The following GNAI1 variants were observed in gnomAD, a reference collection of about 807,000 sequenced individuals.
The protein encoded by GNAI1 is guanine nucleotide-binding protein G(i) subunit alpha-1.
GNAI1 carries 11 observed loss-of-function variants against 38.9 expected under a neutral mutation model. The ratio of observed to expected loss-of-function variants is 0.28; its 90% confidence interval spans 0.18 to 0.47. GNAI1 has a LOEUF of 0.47. GNAI1 is among the 20% of genes least tolerant of loss of function. The pLI is 0.99. For missense variants in GNAI1, 317 were observed against 436.9 expected (o/e 0.73, Z 2.45); for synonymous variants, 166 against 145.1 (o/e 1.14, Z -1.04).
chr7:80,189,785 A>G (rs1490520687), intron 3 of GNAI1, among the ~76,000 whole-genome samples: 1 of 152,184 alleles, frequency 6.6e-6, no homozygotes, highest in Non-Finnish European at 1.5e-5. Context: ...TATTTTGCCA[A>G]GAAAGAAACT....
rs972658830 is a variant in GNAI1 at position 80,225,586 on chromosome 7, G to C, written c.*8093G>C. Among the ~76,000 whole-genome samples the C allele has an allele frequency of 5.9e-5, 9 of 152,158 alleles. No homozygotes were observed. Among genetic ancestry groups the C allele is most frequent in the African/African-American group, 1.7e-4 (7 of 41,440 alleles). ...AGCTTCTGAACTTATTTTGGAAAGA[G>C]TAGCTCCCTGGAGTGTGGAGGAGGA... On this transcript the variant is annotated 3_prime_UTR_variant, in exon 8 of 8. Coordinates refer to ENST00000649796, the MANE Select transcript of GNAI1 (RefSeq NM_002069.6).
At position 80,135,799 on chromosome 7, in the gene GNAI1, C is replaced by T. The variant is rs551780217; in HGVS notation, c.118+521C>T. 4.1e-6 allele frequency: 4 copies of T among 985,556 alleles called. No homozygotes were observed. In the South Asian group the frequency reaches 1.9e-4, roughly 46 times the overall value. 61.1% of individuals were successfully genotyped at this position (985,556 alleles called of 1,614,324 possible). ...TGGGGCCTCTGAGATGGGGCTGAAG[C>T]GTCTTTCCTGTTAACTTCCTATGGC... On this transcript the variant is annotated intron_variant, in intron 1 of 7. Coordinates refer to ENST00000649796, the MANE Select transcript of GNAI1 (RefSeq NM_002069.6).
At chr7:80,151,864 G>A (rs1244792091) in intron 1 of GNAI1, among the ~76,000 whole-genome samples, 1 of 152,128 alleles carries the variant, frequency 6.6e-6, no homozygotes, top group Non-Finnish European at 1.5e-5. Context: ...CATTATTTAC[G>A]GGAGGGATAA....
intron 1 of GNAI1, among the ~76,000 whole-genome samples, chr7:80,153,458 T>C (rs1265596720): frequency 6.6e-6 from 1 of 152,174 alleles, no homozygotes; most frequent in African/African-American, 2.4e-5. Context: ...ACAAGTTAAC[T>C]TGGAATAATG....
chr7:80,174,360 A>G (rs1039258456), intron 1 of GNAI1, among the ~76,000 whole-genome samples: 3 of 151,164 alleles, frequency 2.0e-5, no homozygotes, highest in Non-Finnish European at 1.5e-5. Context: ...TTTCCCTTGT[A>G]CTTGTCTTTT....
chr7:80,198,432 G>A (rs1310731017), intron 3 of GNAI1, among the ~76,000 whole-genome samples: 1 of 152,116 alleles, frequency 6.6e-6, no homozygotes. Context: ...CACTGATTTA[G>A]AGTGGTTGAT....
intron 1 of GNAI1, among the ~76,000 whole-genome samples, chr7:80,170,188 A>G (rs529762753): frequency 8.1e-4 from 124 of 152,272 alleles, no homozygotes; most frequent in Non-Finnish European, 7.4e-4. Context: ...TGTAGGATTG[A>G]GTGTTTAACC....
chr7:80,169,325 C>A (rs1324888780), intron 1 of GNAI1, among the ~76,000 whole-genome samples: 1 of 152,132 alleles, frequency 6.6e-6, no homozygotes, highest in Non-Finnish European at 1.5e-5. Flanking sequence ...AAATTTCCTC[C>A]TGAGGGAATC....
At chr7:80,202,167 G>A (rs1041766287) in intron 4 of GNAI1, among the ~76,000 whole-genome samples, 4 of 152,140 alleles carry the variant, frequency 2.6e-5, no homozygotes, top group Non-Finnish European at 5.9e-5. Flanking sequence ...TTGGCTCACT[G>A]CAACCTGGGC....
At chr7:80,199,529 C>A in intron 4 of GNAI1, 147 bp downstream of exon 4, 1 of 602,636 alleles carries the variant, frequency 1.7e-6, no homozygotes, top group Non-Finnish European at 2.8e-6. Flanking sequence ...AAAACTTTGT[C>A]TTATGTGTGT....
At chr7:80,162,785 T>C (rs1210049806) in intron 1 of GNAI1, among the ~76,000 whole-genome samples, 1 of 152,178 alleles carries the variant, frequency 6.6e-6, no homozygotes, top group African/African-American at 2.4e-5. Context: ...TTGGTGTGGC[T>C]GAGCACAATG....
chr7:80,143,242 A>C lies in GNAI1; in HGVS notation c.118+7964A>C, dbSNP rs138667341. On this transcript the variant is annotated intron_variant, in intron 1 of 7. Transcript: ENST00000649796. ...CTACTTGGGGAAATACAATATATAC[A>C]TAAAGATAAGTCCTCATAATGTCAA... is the stretch of plus-strand genomic sequence containing the variant. 3.3e-4 allele frequency among the ~76,000 whole-genome samples: 51 copies of C among 152,328 alleles called. 2 individuals carry two copies. The highest frequency in any genetic ancestry group is 1.2e-3 in the African/African-American group (51 of 41,586).
At chr7:80,202,346 A>C (rs536698456) in intron 4 of GNAI1, among the ~76,000 whole-genome samples, 20 of 152,160 alleles carry the variant, frequency 1.3e-4, no homozygotes, top group East Asian at 7.8e-4. Context: ...CCTCGGCCTC[A>C]CAAAGTGCTG....
intron 1 of GNAI1, among the ~76,000 whole-genome samples, chr7:80,137,992 A>G (rs1340105555): frequency 6.6e-6 from 1 of 152,250 alleles, no homozygotes; most frequent in South Asian, 2.1e-4. Context: ...ATGTGTAAGC[A>G]GCTAAATGAA....
At chr7:80,216,914 C>T (rs1311996489) in intron 7 of GNAI1, among the ~76,000 whole-genome samples, 1 of 152,106 alleles carries the variant, frequency 6.6e-6, no homozygotes, top group Non-Finnish European at 1.5e-5. Flanking sequence ...ATTCAGCCAA[C>T]ATTTTTTGAT....
intron 7 of GNAI1, among the ~76,000 whole-genome samples, chr7:80,213,521 G>C (rs1174866418): frequency 6.6e-6 from 1 of 152,156 alleles, no homozygotes; most frequent in Non-Finnish European, 1.5e-5. Context: ...TATTCCATCT[G>C]TGAAGTCAGG....
chr7:80,208,791 C>T (rs749487601), intron 5 of GNAI1, among the ~76,000 whole-genome samples: 30 of 152,314 alleles, frequency 2.0e-4, no homozygotes, highest in Admixed American at 3.9e-4. Context: ...TTGCAGTTTT[C>T]CTCAGCTAAA....
rs11322122 is a variant in GNAI1, at chr7:80,160,203, G to GT, written c.118+24939dup. ...CCTCTAAGTTAGGTTATTTTAGACA[G>GT]TTTTTTTTTTTTTTAATGCAGCAGT... is the stretch of plus-strand genomic sequence containing the variant. On this transcript the variant is annotated intron_variant, in intron 1 of 7. Transcript: ENST00000649796. Among the ~76,000 whole-genome samples the GT allele has an allele frequency of 5.1e-3, 745 of 145,192 alleles. 8 individuals carry two copies. The highest frequency in any genetic ancestry group is 7.3e-3 in the Middle Eastern group (2 of 274).
At position 80,204,519 on chromosome 7, in the gene GNAI1, A is replaced by G. The variant is rs79387736; in HGVS notation, c.590+687A>G. 7.2e-5 allele frequency among the ~76,000 whole-genome samples: 11 copies of G among 152,262 alleles called. No individual in the cohort carries two copies. In the East Asian group the frequency reaches 1.7e-3, roughly 24 times the overall value. On this transcript the variant is annotated intron_variant, in intron 5 of 7. Transcript: ENST00000649796. ...TACAAAACTACTTTCCTCTTTTTCCAGTAAATAACATTTTCCAAGGTATGA... is the reference window on the plus strand; with the variant it reads ...TACAAAACTACTTTCCTCTTTTTCCGGTAAATAACATTTTCCAAGGTATGA...
Sources: gnomAD v4.1 joint callset for allele counts (sites outside exome capture counted in the v4.1 genomes callset) on GRCh38, gnomAD v4.1.1 for gene constraint, MANE v1.5 for transcripts, NCBI Gene and HGNC (gene_info 2026-07-23, HGNC 2026-07-21) for gene names.